PCSK5: variants seen among roughly 807,000 people sequenced by gnomAD.
PCSK5 encodes proprotein convertase subtilisin/kexin type 5.
A neutral mutation model predicts 233.2 loss-of-function variants in PCSK5; 129 were observed. The ratio of observed to expected loss-of-function variants is 0.55; its 90% CI spans 0.48 to 0.64. The LOEUF (loss-of-function observed/expected upper bound fraction) is 0.64, where lower values mean the gene tolerates loss of function less well. Among genes scored for constraint, PCSK5 ranks in the 30% least tolerant of loss-of-function variants. PCSK5 has a pLI of 0.00. For missense variants in PCSK5, 2,076 were observed against 2,430.1 expected (o/e 0.85, Z 3.06); for synonymous variants, 825 against 879.2 (o/e 0.94, Z 1.09).
Position 76,332,575 on chromosome 9 carries a change from G to C in PCSK5, c.4713G>C (p.Gln1571His). 6.2e-7 allele frequency: 1 copy of C among 1,605,822 alleles called. No individual in the cohort carries two copies. The highest frequency in any genetic ancestry group is 1.1e-5 in the South Asian group (1 of 90,106). The change falls in exon 34 of 38, where the codon CAG becomes CAC. Residue 1571 changes from glutamine to histidine, a missense_variant. Physicochemically the swap from Gln to His is conservative, Grantham distance 24. Transcript: ENST00000674117. ...ACTCCTGCCGACCGGGCTGGTTCCAGCTAGGAAAAGAGTGCCTGCTCCAGT... is the reference window on the plus strand; with the variant it reads ...ACTCCTGCCGACCGGGCTGGTTCCACCTAGGAAAAGAGTGCCTGCTCCAGT... ...QCHSCRPGWF[Q>H]LGKECLLQCR...
intron 34 of PCSK5, among the ~76,000 whole-genome samples, chr9:76,333,489 G>A (rs1359536833): frequency 6.6e-6 from 1 of 152,166 alleles, no homozygotes; most frequent in South Asian, 2.1e-4. Context: ...CATAAACAAC[G>A]TAGACACACG....
intron 17 of PCSK5, among the ~76,000 whole-genome samples, chr9:76,186,977 A>G (rs1332762051): frequency 6.6e-6 from 1 of 152,100 alleles, no homozygotes; most frequent in Admixed American, 6.6e-5. Context: ...TTTTGCCTCA[A>G]GAGACTTGTA....
At chr9:75,990,231 C>T (rs188682790) in intron 3 of PCSK5, among the ~76,000 whole-genome samples, 6 of 152,280 alleles carry the variant, frequency 3.9e-5, no homozygotes, top group African/African-American at 1.4e-4. Flanking sequence ...AGGGTCCTGC[C>T]TCCAGCTCGT....
At chr9:75,936,112 C>T (rs1824044766) in intron 2 of PCSK5, among the ~76,000 whole-genome samples, 1 of 152,120 alleles carries the variant, frequency 6.6e-6, no homozygotes, top group African/African-American at 2.4e-5. Context: ...AATGTACATA[C>T]CTTAATTAAA....
intron 20 of PCSK5, chr9:76,205,259 A>G: frequency 3.9e-6 from 2 of 518,874 alleles, no homozygotes; most frequent in South Asian, 2.8e-5. Flanking sequence ...CTGTAGGTGT[A>G]AAACACGATG....
chr9:75,937,780 G>T (rs148211079), intron 2 of PCSK5, among the ~76,000 whole-genome samples: 58 of 152,302 alleles, frequency 3.8e-4, no homozygotes, highest in African/African-American at 1.3e-3. Context: ...AGCACTTGCT[G>T]CTTCACCTTG....
intron 20 of PCSK5, among the ~76,000 whole-genome samples, chr9:76,199,094 T>G (rs1262971950): frequency 6.6e-6 from 1 of 152,226 alleles, no homozygotes; most frequent in African/African-American, 2.4e-5. Flanking sequence ...CTTACAGCCA[T>G]TGTCACTTGA....
chr9:75,966,383 G>A (rs1410057120), intron 2 of PCSK5, among the ~76,000 whole-genome samples: 1 of 152,196 alleles, frequency 6.6e-6, no homozygotes, highest in Non-Finnish European at 1.5e-5. Context: ...ATTGGAAAAT[G>A]ACATCATGGT....
chr9:76,193,475 T>TTTTTC (rs1824525080), intron 20 of PCSK5: 2 of 719,340 alleles, frequency 2.8e-6, no homozygotes, highest in Admixed American at 3.4e-5. Flanking sequence ...TCTTGCTCTC[T>TTTTTC]TTTTCTTTCT....
At chr9:76,218,452 G>C (rs572210764) in intron 20 of PCSK5, among the ~76,000 whole-genome samples, 1 of 152,132 alleles carries the variant, frequency 6.6e-6, no homozygotes, top group Non-Finnish European at 1.5e-5. Context: ...GATCCAGTCT[G>C]ACCAGGGTTT....
intron 34 of PCSK5, among the ~76,000 whole-genome samples, chr9:76,337,458 G>A (rs1304099491): frequency 6.6e-6 from 1 of 152,086 alleles, no homozygotes; most frequent in Non-Finnish European, 1.5e-5. Context: ...ACAGGTGTAA[G>A]CCACTGTACC....
At chr9:75,929,825 G>A (rs2131275733) in intron 1 of PCSK5, among the ~76,000 whole-genome samples, 1 of 151,830 alleles carries the variant, frequency 6.6e-6, no homozygotes, top group South Asian at 2.1e-4. Context: ...TGAGGGCCAA[G>A]CGACAGGGGT....
At chr9:75,980,941 A>C (rs547542943) in intron 2 of PCSK5, among the ~76,000 whole-genome samples, 2 of 152,274 alleles carry the variant, frequency 1.3e-5, no homozygotes, top group South Asian at 4.1e-4. Flanking sequence ...TAAAAACAAC[A>C]CCCAAGATGC....
At chr9:76,003,781 A>G (rs1353923460) in intron 3 of PCSK5, among the ~76,000 whole-genome samples, 2 of 151,734 alleles carry the variant, frequency 1.3e-5, no homozygotes, top group Admixed American at 6.6e-5. Flanking sequence ...AGGGTCATAC[A>G]TTGCCATTAT....
In PCSK5 at chr9:75,895,177, C is replaced by A. The variant is rs79268517; in HGVS notation, c.192+3804C>A. On this transcript the variant is annotated intron_variant, in intron 1 of 37. Coordinates refer to ENST00000674117, the MANE Select transcript of PCSK5 (RefSeq NM_001372043.1). ...AGCCCCCCCATTGACAGCATGTGGA[C>A]TTGGAAACTCTGGAGAGGCCACTTT... Among the ~76,000 whole-genome samples, 1,193 of 152,234 alleles carry A rather than the reference C, an allele frequency of 7.8e-3. 10 individuals are homozygous for A. The highest frequency in any genetic ancestry group is 0.034 in the Middle Eastern group (10 of 294).
At chr9:76,186,546 G>A (rs1824110787) in intron 17 of PCSK5, among the ~76,000 whole-genome samples, 1 of 152,174 alleles carries the variant, frequency 6.6e-6, no homozygotes. Context: ...ACAATACCAA[G>A]TGCATTAGCC....
intron 24 of PCSK5, among the ~76,000 whole-genome samples, chr9:76,273,596 T>TATATATATATATATA (rs397822892): frequency 1.3e-4 from 19 of 145,116 alleles, no homozygotes; most frequent in East Asian, 8.0e-4. Context: ...TATATATATA[T>TATATATATATATATA]TTGTACTGCT....
chr9:76,233,624 T>G (rs906247732), intron 22 of PCSK5, 28 bp downstream of exon 22: 2 of 1,602,424 alleles, frequency 1.2e-6, no homozygotes, highest in East Asian at 2.2e-5. Flanking sequence ...CTCCGTCTTC[T>G]GCACCCCAAA....
chr9:76,316,598 TG>T (rs766753139), intron 30 of PCSK5, among the ~76,000 whole-genome samples: 3 of 150,038 alleles, frequency 2.0e-5, no homozygotes, highest in Non-Finnish European at 4.4e-5. Context: ...ATTAGCCCAG[TG>T]TGGCGGCACA....
Sources: gnomAD v4.1 joint callset for allele counts (sites outside exome capture counted in the v4.1 genomes callset) on GRCh38, gnomAD v4.1.1 for gene constraint, MANE v1.5 for transcripts, NCBI Gene and HGNC (gene_info 2026-07-23, HGNC 2026-07-21) for gene names.